DDX4: variants seen among roughly 807,000 people sequenced by gnomAD.
DDX4 encodes the protein probable ATP-dependent RNA helicase DDX4.
Under a neutral mutation model 100.0 loss-of-function variants are expected in DDX4, and 25 were observed. The observed-to-expected ratio is 0.25, with a 90% CI of 0.18 to 0.35. The LOEUF is 0.35. Among genes scored for constraint, DDX4 ranks in the 10% least tolerant of loss-of-function variants. DDX4 has a pLI of 1.00. For synonymous variants in DDX4, 259 were observed against 275.7 expected (o/e 0.94, Z 0.60); for missense variants, 635 against 882.4 (o/e 0.72, Z 3.55).
intron 3 of DDX4, among the ~76,000 whole-genome samples, chr5:55,758,929 C>T (rs1760115733): frequency 6.7e-6 from 1 of 149,538 alleles, no homozygotes; most frequent in Non-Finnish European, 1.5e-5. Context: ...CTTTCTGTTT[C>T]CCAGGCTGGA....
chr5:55,740,318 C>G (rs1447909653), intron 2 of DDX4, among the ~76,000 whole-genome samples: 1 of 151,816 alleles, frequency 6.6e-6, no homozygotes, highest in Non-Finnish European at 1.5e-5. Context: ...AGGCGCATGC[C>G]ACCACGCCCA....
intron 18 of DDX4, among the ~76,000 whole-genome samples, chr5:55,803,680 T>C (rs1743485340): frequency 6.6e-6 from 1 of 152,078 alleles, no homozygotes; most frequent in Non-Finnish European, 1.5e-5. Context: ...GGATGCACAG[T>C]ATTCCATGGT....
intron 6 of DDX4, chr5:55,766,978 G>T: frequency 6.5e-7 from 1 of 1,532,662 alleles, no homozygotes. Context: ...TAGTTTTCAG[G>T]CAGCCTTCAG....
At chr5:55,786,111 T>TA (rs1742229863) in intron 13 of DDX4, among the ~76,000 whole-genome samples, 1 of 152,150 alleles carries the variant, frequency 6.6e-6, no homozygotes, top group Admixed American at 6.5e-5. Flanking sequence ...TAAACTTACT[T>TA]AAAAAATGCT....
Position 55,815,034 on chromosome 5 carries a change from C to G in DDX4, c.1849C>G (p.Leu617Val). 6.2e-7 allele frequency: 1 copy of G among 1,614,148 alleles called. No individual in the cohort carries two copies. Among genetic ancestry groups the G allele is most frequent in the Non-Finnish European group, 8.5e-7 (1 of 1,179,992 alleles). The change falls in exon 20 of 22, where the codon CTT (leucine) becomes GTT (valine). Residue 617 changes from leucine to valine, a missense_variant. This residue lies in a region of DDX4 where 115 missense variants were observed against 224.7 expected (regional missense o/e 0.51). Coordinates refer to ENST00000505374, the MANE Select transcript of DDX4 (RefSeq NM_024415.3). ...ENVQHVINFD[L>V]PSTIDEYVHR... ...TGTGCAACATGTTATCAATTTTGAT[C>G]TTCCTTCTACCATTGATGAATATGT...
In DDX4 at chr5:55,763,159, G is replaced by A; in HGVS notation, c.206-16G>A. ...ATTTTATATGTTAAAGAGTTTAACT[G>A]TCCACCCTTTTTCAGATGCTGGTGA... On this transcript the variant is annotated splice_polypyrimidine_tract_variant and intron_variant, in intron 4 of 21. Coordinates refer to ENST00000505374, the MANE Select transcript of DDX4 (RefSeq NM_024415.3). 6.4e-7 allele frequency: 1 copy of A among 1,562,814 alleles called. No individual in the cohort carries two copies. The highest frequency in any genetic ancestry group is 1.7e-4 in the Middle Eastern group (1 of 5,896).
At chr5:55,765,745 TTAGAC>T (rs1296465353) in intron 6 of DDX4, among the ~76,000 whole-genome samples, 2 of 152,116 alleles carry the variant, frequency 1.3e-5, no homozygotes, top group Non-Finnish European at 2.9e-5. Context: ...TTGTGAAACT[TTAGAC>T]TAAAGTTAAT....
chr5:55,807,773 AC>A (rs1471701354), intron 18 of DDX4, among the ~76,000 whole-genome samples: 1 of 151,926 alleles, frequency 6.6e-6, no homozygotes, highest in Non-Finnish European at 1.5e-5. Flanking sequence ...CTTCATTTCA[AC>A]TTTGGTGAAT....
Position 55,781,987 on chromosome 5 carries a change from T to G in DDX4, c.625+6T>G. 1 of 1,613,944 alleles carries G rather than the reference T, an allele frequency of 6.2e-7. No homozygotes were observed. The highest frequency in any genetic ancestry group is 8.5e-7 in the Non-Finnish European group (1 of 1,179,926). On this transcript the variant is annotated splice_donor_region_variant and intron_variant, in intron 10 of 21. Coordinates refer to ENST00000505374, the MANE Select transcript of DDX4 (RefSeq NM_024415.3). ...TGGCAGTGGAAGTGAACGAGGTAAG[T>G]TCTTATTTTGTTTACCCGAAAGAAG...
intron 3 of DDX4, among the ~76,000 whole-genome samples, chr5:55,753,385 C>T (rs570879864): frequency 5.3e-4 from 80 of 152,260 alleles, no homozygotes; most frequent in African/African-American, 1.6e-3. Context: ...CAGCTTTCTA[C>T]ATATGGCTAG....
rs533593448 is a variant in DDX4, at chr5:55,793,050, G to T, written c.1469+243G>T. Among the ~76,000 whole-genome samples the T allele has an allele frequency of 6.1e-5, 9 of 147,498 alleles. No individual in the cohort carries two copies. In the East Asian group the frequency reaches 1.7e-3, roughly 28 times the overall value. ...TGTGTGTGTGTGTGTGTGTGTGTGTGTGTGTTTGTGTGTGTTGTTGTTGTT... is the reference window on the plus strand; with the variant it reads ...TGTGTGTGTGTGTGTGTGTGTGTGTTTGTGTTTGTGTGTGTTGTTGTTGTT... On this transcript the variant is annotated intron_variant, in intron 17 of 21. Coordinates refer to ENST00000505374, the MANE Select transcript of DDX4 (RefSeq NM_024415.3).
intron 3 of DDX4, among the ~76,000 whole-genome samples, chr5:55,748,774 C>A (rs1759381816): frequency 6.6e-6 from 1 of 151,776 alleles, no homozygotes; most frequent in Non-Finnish European, 1.5e-5. Context: ...AATCTTAGCC[C>A]CTAAATTTAG....
intron 8 of DDX4, among the ~76,000 whole-genome samples, chr5:55,780,360 A>C (rs145906671): frequency 4.9e-4 from 75 of 152,306 alleles, no homozygotes; most frequent in African/African-American, 1.8e-3. Context: ...CCTTATAAAC[A>C]GGTGACCTTC....
chr5:55,812,878 A>G (rs1561520478), intron 18 of DDX4, among the ~76,000 whole-genome samples: 1 of 151,668 alleles, frequency 6.6e-6, no homozygotes, highest in Non-Finnish European at 1.5e-5. Flanking sequence ...CATTTCCAAC[A>G]GAAACATGAC....
Position 55,785,347 on chromosome 5 carries a change from A to G in DDX4, c.673+3A>G. ...AGTAATAACAGGCTCTGGAAAGAGT[A>G]AGTTTTCCTTAAACAAGGTGTTTGA... is the stretch of plus-strand genomic sequence containing the variant. On this transcript the variant is annotated splice_donor_region_variant and intron_variant, in intron 11 of 21. Transcript: ENST00000505374. 4 of 1,604,388 alleles carry G rather than the reference A, an allele frequency of 2.5e-6. No individual in the cohort carries two copies. Among genetic ancestry groups the G allele is most frequent in the Non-Finnish European group, 3.4e-6 (4 of 1,172,162 alleles).
intron 18 of DDX4, among the ~76,000 whole-genome samples, chr5:55,802,564 C>G (rs891355645): frequency 6.6e-6 from 1 of 152,306 alleles, no homozygotes; most frequent in East Asian, 1.9e-4. Flanking sequence ...AAATCTCACT[C>G]AGTCCAGTGA....
chr5:55,788,352 T>A (rs532555490), intron 15 of DDX4, among the ~76,000 whole-genome samples: 1 of 152,218 alleles, frequency 6.6e-6, no homozygotes, highest in Non-Finnish European at 1.5e-5. Context: ...GATGCACACC[T>A]GTTGTCCTAG....
intron 17 of DDX4, among the ~76,000 whole-genome samples, 192 bp from the exon 18 acceptor site, chr5:55,798,234 T>G (rs563807271): frequency 6.6e-6 from 1 of 152,318 alleles, no homozygotes; most frequent in Admixed American, 6.5e-5. Flanking sequence ...TAGTTATGTA[T>G]TTTGCAAAAT....
chr5:55,808,026 C>CT (rs1743861591), intron 18 of DDX4, among the ~76,000 whole-genome samples: 1 of 152,072 alleles, frequency 6.6e-6, no homozygotes, highest in Non-Finnish European at 1.5e-5. Context: ...TCTTTTTATT[C>CT]TTTTTTCTCG....
Sources: gnomAD v4.1 joint callset for allele counts (sites outside exome capture counted in the v4.1 genomes callset) on GRCh38, gnomAD v4.1.1 for gene constraint, gnomAD v4.1.1 regional missense constraint, MANE v1.5 for transcripts, NCBI Gene and HGNC (gene_info 2026-07-23, HGNC 2026-07-21) for gene names.